Variants in UBQLN4 observed in about 807,000 individuals in gnomAD.
The protein encoded by UBQLN4 is ubiquilin-4.
In UBQLN4, 11 loss-of-function variants were observed where a neutral mutation model predicts 60.4. The ratio of observed to expected loss-of-function variants is 0.18; its 90% CI spans 0.11 to 0.30. The LOEUF (loss-of-function observed/expected upper bound fraction) is 0.30, where lower values mean the gene tolerates loss of function less well. Among genes scored for constraint, UBQLN4 ranks in the 10% least tolerant of loss-of-function variants. UBQLN4 has a pLI of 1.00. For synonymous variants in UBQLN4, 258 were observed against 313.1 expected (o/e 0.82, Z 1.86); for missense variants, 417 against 795.5 (o/e 0.52, Z 5.72).
intron 10 of UBQLN4, among the ~76,000 whole-genome samples, chr1:156,039,539 C>CT (rs1310731697): frequency 6.6e-6 from 1 of 152,002 alleles, no homozygotes; most frequent in African/African-American, 2.4e-5. Context: ...AGTGAGCCAC[C>CT]GCCTGGCTAG....
downstream of UBQLN4, chr1:156,033,290 A>G: frequency 1.0e-6 from 1 of 985,492 alleles, no homozygotes; most frequent in Non-Finnish European, 1.2e-6. Context: ...GGCAGAAGCC[A>G]GAAGAGCAGA....
At chr1:156,042,308 C>T in intron 7 of UBQLN4, 72 bp from the exon 8 acceptor site, 1 of 1,495,632 alleles carries the variant, frequency 6.7e-7, no homozygotes, top group Non-Finnish European at 8.9e-7. Flanking sequence ...GCCTCAGACT[C>T]CCTGGGCACC....
Position 156,053,579 on chromosome 1 carries a change from C to CCCCGGGGG in UBQLN4, c.108+14_108+15insCCCCCGGG. 1 of 1,297,620 alleles carries CCCCGGGGG rather than the reference C, an allele frequency of 7.7e-7. No individual in the cohort carries two copies. The highest frequency in any genetic ancestry group is 9.9e-7 in the Non-Finnish European group (1 of 1,005,240). 80.4% of individuals were successfully genotyped at this position (1,297,620 alleles called of 1,614,324 possible). A position where few individuals can be genotyped will look rare whatever the true frequency, so the allele number is the denominator to read the frequency against. ...CCTCCTCCGCGCTCCCCCCGCCCCCCGCCTGCTGTACTACCTCCTTGACCG... is the reference window on the plus strand; with the variant it reads ...CCTCCTCCGCGCTCCCCCCGCCCCCCCCCGGGGGGCCTGCTGTACTACCTCCTTGACCG... On this transcript the variant is annotated intron_variant, in intron 1 of 10. Coordinates refer to ENST00000368309, the MANE Select transcript of UBQLN4 (RefSeq NM_020131.5).
chr1:156,036,854 C>T lies in UBQLN4; in HGVS notation c.*124G>A. On this transcript the variant is annotated 3_prime_UTR_variant, in exon 11 of 11. Coordinates refer to ENST00000368309, the MANE Select transcript of UBQLN4 (RefSeq NM_020131.5). Reference sequence around the variant, plus strand: ...TGGAGCCCATGCCTCTAAAGTCACCCTGCTGTTTGGAAAGGATGAGGGAGA... The same window carrying T: ...TGGAGCCCATGCCTCTAAAGTCACCTTGCTGTTTGGAAAGGATGAGGGAGA... 6.6e-7 allele frequency: 1 copy of T among 1,520,432 alleles called. No homozygotes were observed. Among genetic ancestry groups the T allele is most frequent in the Non-Finnish European group, 8.8e-7 (1 of 1,137,014 alleles). 94.2% of individuals were successfully genotyped at this position (1,520,432 alleles called of 1,614,324 possible).
chr1:156,038,342 C>CT (rs1186402541), intron 10 of UBQLN4, among the ~76,000 whole-genome samples: 1 of 151,030 alleles, frequency 6.6e-6, no homozygotes, highest in Admixed American at 6.6e-5. Flanking sequence ...CGCCACTGCA[C>CT]TCCAGCCTGG....
At chr1:156,034,295 A>ATTT (rs1683344381), downstream of UBQLN4, among the ~76,000 whole-genome samples, 1 of 68,816 alleles carries the variant, frequency 1.5e-5, no homozygotes, top group African/African-American at 4.4e-5. Context: ...TTTTTGTTTT[A>ATTT]CTTTTTTTTT....
downstream of UBQLN4, chr1:156,033,248 C>T: frequency 1.0e-6 from 1 of 985,186 alleles, no homozygotes; most frequent in Non-Finnish European, 1.2e-6. Flanking sequence ...GGTGATGGTC[C>T]AGATCTCCAC....
downstream of UBQLN4, chr1:156,035,173 A>G (rs1160557468): frequency 4.6e-6 from 4 of 860,576 alleles, no homozygotes; most frequent in African/African-American, 3.7e-5. Context: ...GCCACTTTTA[A>G]TATTTCTTAA....
chr1:156,031,872 C>T (rs150850864), downstream of UBQLN4, among the ~76,000 whole-genome samples: 13 of 152,012 alleles, frequency 8.6e-5, no homozygotes, highest in African/African-American at 2.2e-4. Flanking sequence ...AGCTCTGACA[C>T]ACAATAAACT....
At chr1:156,053,478 G>C in intron 1 of UBQLN4, 116 bp downstream of exon 1, 3 of 747,676 alleles carry the variant, frequency 4.0e-6, no homozygotes, top group Non-Finnish European at 3.6e-6. Context: ...CGGAGTCCCA[G>C]CCGGCCCCCG....
chr1:156,042,388 C>A, intron 7 of UBQLN4, 152 bp from the exon 8 acceptor site: 1 of 1,427,552 alleles, frequency 7.0e-7, no homozygotes, highest in Non-Finnish European at 9.2e-7. Flanking sequence ...CTAAGTGGGA[C>A]AGTGAGAGGA....
chr1:156,037,278 G>C lies in UBQLN4; in HGVS notation c.1654-148C>G, dbSNP rs548390994. 1.6e-5 allele frequency: 16 copies of C among 1,008,166 alleles called. No homozygotes were observed. The African/African-American group carries it at 2.6e-4, about 16-fold the overall frequency. 62.5% of individuals were successfully genotyped at this position (1,008,166 alleles called of 1,614,324 possible). ...AAGATGAGCTGCAAATGGGGGCCCAGGAGCCTAGGTCCCAAGTCCTAAATA... is the reference window on the plus strand; with the variant it reads ...AAGATGAGCTGCAAATGGGGGCCCACGAGCCTAGGTCCCAAGTCCTAAATA... On this transcript the variant is annotated intron_variant, in intron 10 of 10. Transcript: ENST00000368309.
rs187485434 is a variant in UBQLN4 at position 156,036,065 on chromosome 1, A to T, written c.*913T>A. The T allele has an allele frequency of 2.0e-6, 2 of 985,568 alleles. No individual in the cohort carries two copies. The highest frequency in any genetic ancestry group is 1.1e-4 in the East Asian group (1 of 8,956). 61.1% of individuals were successfully genotyped at this position (985,568 alleles called of 1,614,324 possible). ...TGCATATAAGCACATATGCTTGAGG[A>T]ACTAAAGCCAATATGACCCCTTGTG... On this transcript the variant is annotated 3_prime_UTR_variant, in exon 11 of 11. Coordinates refer to ENST00000368309, the MANE Select transcript of UBQLN4 (RefSeq NM_020131.5).
intron 2 of UBQLN4, 144 bp downstream of exon 2, chr1:156,051,562 C>G: frequency 1.6e-6 from 2 of 1,273,792 alleles, no homozygotes; most frequent in Non-Finnish European, 2.2e-6. Flanking sequence ...GGTTCCCTTC[C>G]CCTAGAGATG....
intron 1 of UBQLN4, among the ~76,000 whole-genome samples, chr1:156,053,331 G>A (rs974555756): frequency 2.0e-5 from 3 of 151,534 alleles, no homozygotes; most frequent in African/African-American, 7.3e-5. Context: ...CCCCTTCCCG[G>A]TGCAAGGTGT....
In UBQLN4 at chr1:156,051,781, T is replaced by C. The variant is rs1297270579; in HGVS notation, c.185A>G (p.Lys62Arg). The C allele has an allele frequency of 1.2e-6, 2 of 1,614,184 alleles. No homozygotes were observed. The highest frequency in any genetic ancestry group is 1.7e-6 in the Non-Finnish European group (2 of 1,180,030). The change falls in exon 2 of 11, where the codon AAG (lysine) becomes AGG (arginine). Residue 62 changes from lysine to arginine, a missense_variant. Lys to Arg is a conservative substitution (Grantham distance 26, BLOSUM62 2). Coordinates refer to ENST00000368309, the MANE Select transcript of UBQLN4 (RefSeq NM_020131.5). ...GTGCTGGTTCAGTGTGTCCCCATCC[T>C]TGAGGATCTTGCCTGCGAAGATCAG... ...LVLIFAGKIL[K>R]DGDTLNQHGI...
rs1683784095 is a variant in UBQLN4 at position 156,048,743 on chromosome 1, T to A, written c.742-84A>T. 6.7e-7 allele frequency: 1 copy of A among 1,483,876 alleles called. No individual in the cohort carries two copies. Among genetic ancestry groups the A allele is most frequent in the Non-Finnish European group, 9.2e-7 (1 of 1,088,902 alleles). The allele number at this position is 1,483,876 out of a possible 1,614,324, so 91.9% of individuals were successfully genotyped here. A position where few individuals can be genotyped will look rare whatever the true frequency, so the allele number is the denominator to read the frequency against. On this transcript the variant is annotated intron_variant, in intron 4 of 10. Transcript: ENST00000368309. This position sits in a 1 kb window ranked among gnomAD's most constrained non-coding sequence, Gnocchi z 4.9. ...AAGGGTGGGCCTTGAGGAAGGGGGG[T>A]CTGTATCAGGATCAGGACCAGGGCC... is the stretch of plus-strand genomic sequence containing the variant.
In UBQLN4 at chr1:156,036,711, G is replaced by A; in HGVS notation, c.*267C>T. ...AAAAGTGGTGTGGGGCAAGGAGGTA[G>A]AGTCAATCAATGAAACTGTGAAAAC... On this transcript the variant is annotated 3_prime_UTR_variant, in exon 11 of 11. Coordinates refer to ENST00000368309, the MANE Select transcript of UBQLN4 (RefSeq NM_020131.5). The A allele has an allele frequency of 8.3e-7, 1 of 1,209,522 alleles. No individual in the cohort carries two copies. The highest frequency in any genetic ancestry group is 1.0e-6 in the Non-Finnish European group (1 of 969,360). 74.9% of individuals were successfully genotyped at this position (1,209,522 alleles called of 1,614,324 possible).
chr1:156,051,695 C>A lies in UBQLN4; in HGVS notation c.260+11G>T, dbSNP rs1181739501. On this transcript the variant is annotated intron_variant, in intron 2 of 10. Coordinates refer to ENST00000368309, the MANE Select transcript of UBQLN4 (RefSeq NM_020131.5). ...AATCAGAAGCTGGATCTGCTCTGCT[C>A]CTGAACTTACTTCTGAGGGGTCTTG... The A allele has an allele frequency of 6.2e-7, 1 of 1,612,810 alleles. No homozygotes were observed. Among genetic ancestry groups the A allele is most frequent in the Non-Finnish European group, 8.5e-7 (1 of 1,179,924 alleles).
Sources: gnomAD v4.1 joint callset for allele counts (sites outside exome capture counted in the v4.1 genomes callset) on GRCh38, gnomAD v4.1.1 for gene constraint, Gnocchi (gnomAD v3.1) non-coding constraint, MANE v1.5 for transcripts, NCBI Gene and HGNC (gene_info 2026-07-23, HGNC 2026-07-21) for gene names.